MGME1: variants seen among roughly 807,000 people sequenced by gnomAD.
MGME1 encodes chromosome 20 open reading frame 72.
In MGME1, 22 loss-of-function variants were observed where a neutral mutation model predicts 33.0. That is an observed-to-expected ratio of 0.67 (90% CI 0.48 to 0.95). The LOEUF (loss-of-function observed/expected upper bound fraction) is 0.95. Ranked by LOEUF, MGME1 falls within the 40% of genes least tolerant of loss-of-function variation. The pLI, the probability that MGME1 is intolerant of heterozygous loss-of-function variation, is 0.00. For missense variants in MGME1, 383 were observed against 397.8 expected, an observed-to-expected ratio of 0.96 and a Z score of 0.32; for synonymous variants, 133 against 144.0, an observed-to-expected ratio of 0.92 and a Z score of 0.55.
chr20:17,986,925 A>C (rs963197587), intron 3 of MGME1, among the ~76,000 whole-genome samples: 2 of 152,046 alleles, frequency 1.3e-5, no homozygotes, highest in African/African-American at 4.8e-5. Context: ...TCACACCTGT[A>C]ATCCCAGCAG....
At position 17,990,420 on chromosome 20, in the gene MGME1, G is replaced by GC. The variant is rs1409518814; in HGVS notation, c.*311_*312insC. On this transcript the variant is annotated 3_prime_UTR_variant, in exon 5 of 5. Coordinates refer to ENST00000377710, the MANE Select transcript of MGME1 (RefSeq NM_052865.4). ...TCCCTTGAGGGACATTGGGGGGGGGGGGGCGTGGTCCCAGGCAGGATGCCC... is the reference window on the plus strand; with the variant it reads ...TCCCTTGAGGGACATTGGGGGGGGGGCGGGCGTGGTCCCAGGCAGGATGCCC... 1 of 323,968 alleles carries GC rather than the reference G, an allele frequency of 3.1e-6. No individual in the cohort carries two copies. The highest frequency in any genetic ancestry group is 6.3e-5 in the East Asian group (1 of 15,760). 20.1% of individuals were successfully genotyped at this position (323,968 alleles called of 1,614,324 possible). A position where few individuals can be genotyped will look rare whatever the true frequency, so the allele number is the denominator to read the frequency against.
intron 3 of MGME1, among the ~76,000 whole-genome samples, chr20:17,977,922 A>G (rs2035909102): frequency 6.6e-6 from 1 of 152,294 alleles, no homozygotes; most frequent in South Asian, 2.1e-4. Context: ...AATCCAAATA[A>G]GGCAAGCGAT....
intron 2 of MGME1, among the ~76,000 whole-genome samples, chr20:17,971,480 T>A (rs1008141510): frequency 6.6e-6 from 1 of 152,194 alleles, no homozygotes; most frequent in African/African-American, 2.4e-5. Flanking sequence ...AAATTTAGAA[T>A]TGATAGTTTT....
intron 3 of MGME1, among the ~76,000 whole-genome samples, chr20:17,985,053 A>G (rs939734185): frequency 6.4e-4 from 96 of 150,324 alleles, no homozygotes; most frequent in African/African-American, 1.6e-3. Flanking sequence ...AAAAAAAAAA[A>G]AAAAGAAAAG....
At chr20:17,986,504 C>T (rs2122611335) in intron 3 of MGME1, among the ~76,000 whole-genome samples, 1 of 151,890 alleles carries the variant, frequency 6.6e-6, no homozygotes, top group Middle Eastern at 3.4e-3. Context: ...ACAACAGGCT[C>T]CAGCCACAAC....
At chr20:17,972,993 T>C (rs577677337) in intron 2 of MGME1, among the ~76,000 whole-genome samples, 6 of 152,314 alleles carry the variant, frequency 3.9e-5, no homozygotes, top group Admixed American at 1.3e-4. Flanking sequence ...TAAGTTGAAT[T>C]TCATTTAACT....
At chr20:17,970,946 C>T (rs991574278) in intron 2 of MGME1, among the ~76,000 whole-genome samples, 3 of 152,194 alleles carry the variant, frequency 2.0e-5, no homozygotes, top group African/African-American at 7.2e-5. Flanking sequence ...GAATAGCTTC[C>T]TTAAATTTAA....
At chr20:17,985,517 T>G (rs73599786) in intron 3 of MGME1, among the ~76,000 whole-genome samples, 1 of 152,186 alleles carries the variant, frequency 6.6e-6, no homozygotes, top group African/African-American at 2.4e-5. Flanking sequence ...ATAAATTTAG[T>G]GTAGCGTAAG....
In MGME1 at chr20:17,975,011, A is replaced by T. The variant is rs184142483; in HGVS notation, c.512-673A>T. 2.3e-3 allele frequency among the ~76,000 whole-genome samples: 342 copies of T among 151,794 alleles called. 2 individuals carry two copies. Among genetic ancestry groups the T allele is most frequent in the African/African-American group, 7.8e-3 (323 of 41,450 alleles). ...AGAAGCACAGTTCCCTAGATTTCTA[A>T]TTTTTTTTTATTTTATCACAGCCAG... is the stretch of plus-strand genomic sequence containing the variant. On this transcript the variant is annotated intron_variant, in intron 2 of 4. Transcript: ENST00000377710.
Position 17,970,381 on chromosome 20 carries a change from C to A in MGME1, c.511+11C>A. On this transcript the variant is annotated intron_variant, in intron 2 of 4. Coordinates refer to ENST00000377710, the MANE Select transcript of MGME1 (RefSeq NM_052865.4). Reference sequence around the variant, plus strand: ...AAGAATACACTTCAAGTAATTATCTCAATTCTGATTCTATATGTTTGCTAT... The same window carrying A: ...AAGAATACACTTCAAGTAATTATCTAAATTCTGATTCTATATGTTTGCTAT... 6.3e-7 allele frequency: 1 copy of A among 1,595,248 alleles called. No homozygotes were observed. Among genetic ancestry groups the A allele is most frequent in the African/African-American group, 1.3e-5 (1 of 74,458 alleles).
At chr20:17,982,168 GC>G (rs1451492879) in intron 3 of MGME1, among the ~76,000 whole-genome samples, 2 of 152,190 alleles carry the variant, frequency 1.3e-5, no homozygotes, top group Non-Finnish European at 2.9e-5. Flanking sequence ...CACCCTTGTT[GC>G]CCAGGCTGGA....
intron 3 of MGME1, among the ~76,000 whole-genome samples, chr20:17,982,925 ACT>A (rs1323470736): frequency 6.6e-6 from 1 of 152,070 alleles, no homozygotes. Flanking sequence ...TTTAAAATCT[ACT>A]CTTTTAGCAA....
At chr20:17,970,438 A>T (rs2035697942) in intron 2 of MGME1, 68 bp downstream of exon 2, 1 of 1,493,986 alleles carries the variant, frequency 6.7e-7, no homozygotes, top group African/African-American at 1.4e-5. Flanking sequence ...CGGTGTCAAA[A>T]GAATGAGGTT....
intron 2 of MGME1, among the ~76,000 whole-genome samples, chr20:17,974,281 T>G (rs1374514926): frequency 6.6e-6 from 1 of 152,144 alleles, no homozygotes; most frequent in Non-Finnish European, 1.5e-5. Flanking sequence ...GCCAGGCTGG[T>G]CTTGAACTCC....
At chr20:17,978,259 C>T (rs781747206) in intron 3 of MGME1, among the ~76,000 whole-genome samples, 4 of 152,106 alleles carry the variant, frequency 2.6e-5, no homozygotes, top group Admixed American at 6.5e-5. Context: ...GGTTGGAGTG[C>T]AATGGCGTGA....
intron 4 of MGME1, 85 bp downstream of exon 4, chr20:17,988,383 T>C: frequency 6.8e-7 from 1 of 1,462,372 alleles, no homozygotes; most frequent in Non-Finnish European, 9.3e-7. Context: ...GGCTCATGCC[T>C]GTAATCCTAG....
chr20:17,977,018 A>C (rs139647439), intron 3 of MGME1, among the ~76,000 whole-genome samples: 2 of 152,110 alleles, frequency 1.3e-5, no homozygotes, highest in African/African-American at 4.8e-5. Flanking sequence ...TCAGAGTCCA[A>C]GTGTTACAGG....
rs1555792156 is a variant in MGME1, at chr20:17,990,410, T to TGGGCGGGGGGGGGG, written c.*304_*305insCGGGGGGGGGGGGG. ...ACTCTTGTACTCCCTTGAGGGACAT[T>TGGGCGGGGGGGGGG]GGGGGGGGGGGGGCGTGGTCCCAGG... On this transcript the variant is annotated 3_prime_UTR_variant, in exon 5 of 5. Coordinates refer to ENST00000377710, the MANE Select transcript of MGME1 (RefSeq NM_052865.4). 1 of 44,516 alleles carries TGGGCGGGGGGGGGG rather than the reference T, an allele frequency of 2.2e-5. No individual in the cohort carries two copies. Among genetic ancestry groups the TGGGCGGGGGGGGGG allele is most frequent in the African/African-American group, 1.4e-4 (1 of 7,192 alleles). 2.8% of individuals were successfully genotyped at this position (44,516 alleles called of 1,614,324 possible). A position where few individuals can be genotyped will look rare whatever the true frequency, so the allele number is the denominator to read the frequency against.
upstream of MGME1, chr20:17,968,809 C>CG (rs1229101455): frequency 2.5e-5 from 6 of 244,004 alleles, no homozygotes; most frequent in East Asian, 5.0e-4. Flanking sequence ...CGTTTCGGTG[C>CG]GGGGGGAATT....
Sources: gnomAD v4.1 joint callset for allele counts (sites outside exome capture counted in the v4.1 genomes callset) on GRCh38, gnomAD v4.1.1 for gene constraint, MANE v1.5 for transcripts, NCBI Gene and HGNC (gene_info 2026-07-23, HGNC 2026-07-21) for gene names.